Variants in EYA1 observed in about 807,000 individuals in gnomAD.
The protein encoded by EYA1 is protein phosphatase EYA1.
A neutral mutation model predicts 82.0 loss-of-function variants in EYA1; 16 were observed. The observed-to-expected ratio is 0.20, with a 90% CI of 0.13 to 0.30. The LOEUF is 0.30. Ranked by LOEUF, EYA1 falls within the 10% of genes least tolerant of loss-of-function variation. EYA1 has a pLI of 1.00. For synonymous variants in EYA1, 261 were observed against 264.4 expected, an observed-to-expected ratio of 0.99 and a Z score of 0.12; for missense variants, 633 against 730.7, an observed-to-expected ratio of 0.87 and a Z score of 1.54.
chr8:71,442,767 G>A (rs1806526335), intron 2 of EYA1, among the ~76,000 whole-genome samples: 1 of 152,166 alleles, frequency 6.6e-6, no homozygotes, highest in Admixed American at 6.5e-5. Flanking sequence ...TGAGATACTT[G>A]AGCTTACTTG....
At chr8:71,441,743 A>T (rs1408650026) in intron 2 of EYA1, among the ~76,000 whole-genome samples, 1 of 152,184 alleles carries the variant, frequency 6.6e-6, no homozygotes, top group African/African-American at 2.4e-5. Flanking sequence ...TGGATTTAAT[A>T]TTTGTGGTTT....
At chr8:71,287,397 C>T (rs1818509492) in intron 9 of EYA1, among the ~76,000 whole-genome samples, 1 of 152,158 alleles carries the variant, frequency 6.6e-6, no homozygotes, top group East Asian at 1.9e-4. Flanking sequence ...GACTTCTCTA[C>T]CTGTATTCCA....
At chr8:71,509,029 C>CTGGAT (rs1457332413) in intron 2 of EYA1, among the ~76,000 whole-genome samples, 3 of 152,012 alleles carry the variant, frequency 2.0e-5, no homozygotes, top group Non-Finnish European at 2.9e-5. Context: ...TGAGACCAGC[C>CTGGAT]TGGACAGCAC....
intron 2 of EYA1, among the ~76,000 whole-genome samples, chr8:71,408,608 G>C (rs954908392): frequency 1.1e-5 from 1 of 87,370 alleles, no homozygotes; most frequent in Non-Finnish European, 2.3e-5. Context: ...AACCAACAAA[G>C]ATCAAAAGAG....
intron 7 of EYA1, among the ~76,000 whole-genome samples, chr8:71,311,419 C>T (rs1821323790): frequency 2.0e-5 from 3 of 152,196 alleles, no homozygotes; most frequent in African/African-American, 4.8e-5. Context: ...ACTATTGTGG[C>T]CAGTGCCCTT....
chr8:71,494,010 G>A (rs913195108), intron 2 of EYA1, among the ~76,000 whole-genome samples: 3 of 64,042 alleles, frequency 4.7e-5, no homozygotes, highest in African/African-American at 1.8e-4. Flanking sequence ...GCGACAGAGC[G>A]AGACTCCGTC....
intron 12 of EYA1, among the ~76,000 whole-genome samples, chr8:71,232,722 A>G (rs1811346374): frequency 6.7e-6 from 1 of 148,700 alleles, no homozygotes; most frequent in South Asian, 2.1e-4. Flanking sequence ...TTTCTGTTGG[A>G]ATTCTACAAG....
At chr8:71,472,847 TTA>T (rs1206895965) in intron 2 of EYA1, among the ~76,000 whole-genome samples, 1 of 145,310 alleles carries the variant, frequency 6.9e-6, no homozygotes, top group Non-Finnish European at 1.5e-5. Flanking sequence ...ATATTTATAT[TTA>T]TGTTTATTTA....
intron 2 of EYA1, among the ~76,000 whole-genome samples, chr8:71,439,914 T>C (rs1806287016): frequency 6.6e-6 from 1 of 152,168 alleles, no homozygotes; most frequent in Non-Finnish European, 1.5e-5. Flanking sequence ...TTAAAACACC[T>C]AGACTGCGGC....
intron 2 of EYA1, among the ~76,000 whole-genome samples, chr8:71,505,015 G>A (rs1261527999): frequency 6.6e-6 from 1 of 152,110 alleles, no homozygotes; most frequent in Non-Finnish European, 1.5e-5. Flanking sequence ...GGCCAGGCTG[G>A]TCTCAAACTC....
chr8:71,270,337 T>C (rs1816367335), intron 10 of EYA1: 1 of 157,566 alleles, frequency 6.3e-6, no homozygotes, highest in South Asian at 1.9e-4. Context: ...TATTGAGCTG[T>C]TATCAAAGGG....
chr8:71,524,621 A>T (rs892023744), intron 2 of EYA1, among the ~76,000 whole-genome samples: 1 of 152,234 alleles, frequency 6.6e-6, no homozygotes, highest in African/African-American at 2.4e-5. Context: ...TTGATATAAT[A>T]AAAAATCTGA....
upstream of EYA1, among the ~76,000 whole-genome samples, chr8:71,366,166 A>G (rs146992452): frequency 0.012 from 1,845 of 152,022 alleles, 20 homozygotes; most frequent in Middle Eastern, 0.034. Flanking sequence ...TTAAATTATT[A>G]TTCTTAATAG....
At chr8:71,371,095 A>G (rs2129089592) in intron 2 of EYA1, among the ~76,000 whole-genome samples, 1 of 152,290 alleles carries the variant, frequency 6.6e-6, no homozygotes, top group South Asian at 2.1e-4. Context: ...AATTGATGAT[A>G]CTAGGTACTT....
At chr8:71,237,163 T>C (rs1247442098) in intron 12 of EYA1, among the ~76,000 whole-genome samples, 1 of 152,114 alleles carries the variant, frequency 6.6e-6, no homozygotes, top group African/African-American at 2.4e-5. Context: ...GGGATTCTCC[T>C]GCCTCAGCCT....
chr8:71,400,565 G>A (rs373092468), intron 2 of EYA1, among the ~76,000 whole-genome samples: 6 of 152,178 alleles, frequency 3.9e-5, no homozygotes, highest in African/African-American at 1.4e-4. Flanking sequence ...TTTAAGAAAT[G>A]CAAATAAAAA....
chr8:71,383,671 G>T (rs1828830766), intron 2 of EYA1, among the ~76,000 whole-genome samples: 1 of 152,056 alleles, frequency 6.6e-6, no homozygotes, highest in African/African-American at 2.4e-5. Context: ...TACAGATATA[G>T]ATATGTAGTG....
At chr8:71,473,991 C>G (rs1809443540) in intron 2 of EYA1, among the ~76,000 whole-genome samples, 1 of 151,788 alleles carries the variant, frequency 6.6e-6, no homozygotes, top group South Asian at 2.1e-4. Flanking sequence ...TAAGTGAGAG[C>G]TGAACAATGA....
intron 2 of EYA1, among the ~76,000 whole-genome samples, chr8:71,530,434 C>T (rs1254154388): frequency 2.0e-5 from 3 of 152,078 alleles, no homozygotes; most frequent in African/African-American, 7.2e-5. Context: ...TACAGAAGTC[C>T]TAAGAAAAGA....
Sources: allele counts gnomAD v4.1 joint callset (sites outside exome capture counted in the v4.1 genomes callset), GRCh38; gene constraint gnomAD v4.1.1; transcripts MANE v1.5; gene names NCBI Gene and HGNC (gene_info 2026-07-23, HGNC 2026-07-21).